Variants in TMEM132D observed in about 807,000 individuals in gnomAD.
TMEM132D encodes transmembrane protein 132D.
Under a neutral mutation model 62.3 loss-of-function variants are expected in TMEM132D, and 21 were observed. The ratio of observed to expected loss-of-function variants is 0.34; its 90% CI spans 0.24 to 0.49. The LOEUF (loss-of-function observed/expected upper bound fraction) is 0.49. Ranked by LOEUF, TMEM132D falls within the 20% of genes least tolerant of loss-of-function variation. The pLI, the probability that TMEM132D is intolerant of heterozygous loss-of-function variation, is 0.99. For synonymous variants in TMEM132D, 621 were observed against 575.6 expected (o/e 1.08, Z -1.13); for missense variants, 1,346 against 1,402.8 (o/e 0.96, Z 0.65).
intron 5 of TMEM132D, among the ~76,000 whole-genome samples, chr12:129,200,675 G>A (rs1878678662): frequency 6.6e-6 from 1 of 152,174 alleles, no homozygotes; most frequent in Non-Finnish European, 1.5e-5. Flanking sequence ...GCAGGTTGTC[G>A]GGCGCCCAGC....
rs116109669 is a variant in TMEM132D, at chr12:129,779,651, T to C, written c.80-78953A>G. ...GTTTCTTGAAAGGAAGAAGAGCAGG[T>C]ATTGGAAGAGACCATCAGAAGGCCC... On this transcript the variant is annotated intron_variant, in intron 1 of 8. Coordinates refer to ENST00000422113, the MANE Select transcript of TMEM132D (RefSeq NM_133448.3). This position sits in a 1 kb window ranked among gnomAD's most constrained non-coding sequence, Gnocchi z 4.1. 1.9e-3 allele frequency among the ~76,000 whole-genome samples: 292 copies of C among 152,170 alleles called. 2 individuals carry two copies. The highest frequency in any genetic ancestry group is 6.3e-3 in the African/African-American group (262 of 41,522).
At chr12:129,279,973 A>C (rs1881096504) in intron 4 of TMEM132D, among the ~76,000 whole-genome samples, 1 of 152,202 alleles carries the variant, frequency 6.6e-6, no homozygotes, top group South Asian at 2.1e-4. Context: ...TTTCCAGAGA[A>C]TGATGTTCTG....
chr12:129,162,241 T>C (rs750169048), intron 5 of TMEM132D, among the ~76,000 whole-genome samples: 5 of 152,146 alleles, frequency 3.3e-5, no homozygotes, highest in Non-Finnish European at 5.9e-5. Flanking sequence ...AGAGCTTGCA[T>C]GCTCCATGCA....
intron 2 of TMEM132D, among the ~76,000 whole-genome samples, chr12:129,650,818 T>G (rs1237821229): frequency 6.6e-6 from 1 of 152,246 alleles, no homozygotes; most frequent in East Asian, 1.9e-4. Flanking sequence ...TTTCTAATAT[T>G]ATTCACCATA....
intron 2 of TMEM132D, among the ~76,000 whole-genome samples, chr12:129,698,005 T>C (rs1441536044): frequency 1.3e-5 from 2 of 152,072 alleles, no homozygotes; most frequent in African/African-American, 2.4e-5. Context: ...GAAAATCAAG[T>C]CAGTCGTTGG....
chr12:129,305,518 C>T (rs190851712), intron 4 of TMEM132D, among the ~76,000 whole-genome samples: 1 of 152,266 alleles, frequency 6.6e-6, no homozygotes, highest in South Asian at 2.1e-4. Flanking sequence ...AAAAACCCCA[C>T]ATGAAATTAG....
At chr12:129,103,725 C>T (rs1205779544) in intron 5 of TMEM132D, among the ~76,000 whole-genome samples, 1 of 152,160 alleles carries the variant, frequency 6.6e-6, no homozygotes, top group Admixed American at 6.5e-5. Context: ...TACAAAATCA[C>T]AAGCATTCCT....
At chr12:129,535,357 C>T (rs190409954) in intron 2 of TMEM132D, among the ~76,000 whole-genome samples, 3 of 152,280 alleles carry the variant, frequency 2.0e-5, no homozygotes, top group East Asian at 1.9e-4. Flanking sequence ...CCTGGACAGC[C>T]GTATCCCCAC....
At chr12:129,137,382 A>G (rs1182762376) in intron 5 of TMEM132D, among the ~76,000 whole-genome samples, 1 of 152,192 alleles carries the variant, frequency 6.6e-6, no homozygotes, top group Non-Finnish European at 1.5e-5. Context: ...AAAATCTTAC[A>G]CTACAGGTAC....
chr12:129,174,137 A>C (rs1018091461), intron 5 of TMEM132D, among the ~76,000 whole-genome samples: 8 of 152,170 alleles, frequency 5.3e-5, no homozygotes, highest in Admixed American at 3.3e-4. Context: ...TGCAGGATAC[A>C]TGTGCAGAAC....
chr12:129,276,407 T>A (rs1881009269), intron 4 of TMEM132D, among the ~76,000 whole-genome samples: 1 of 152,182 alleles, frequency 6.6e-6, no homozygotes, highest in Non-Finnish European at 1.5e-5. Context: ...ACAATAAATA[T>A]ATGAAAGAGA....
chr12:129,536,418 T>C (rs1466989811), intron 2 of TMEM132D, among the ~76,000 whole-genome samples: 1 of 152,240 alleles, frequency 6.6e-6, no homozygotes, highest in Non-Finnish European at 1.5e-5. Context: ...GCTTCATTTT[T>C]TTTATAGGTC....
chr12:129,357,943 G>T (rs1870127139), intron 3 of TMEM132D, among the ~76,000 whole-genome samples: 1 of 152,096 alleles, frequency 6.6e-6, no homozygotes, highest in African/African-American at 2.4e-5. Flanking sequence ...GTTTCCTCTT[G>T]GACATTATCA....
intron 2 of TMEM132D, among the ~76,000 whole-genome samples, chr12:129,570,014 A>T (rs563777936): frequency 1.3e-5 from 2 of 152,166 alleles, no homozygotes; most frequent in South Asian, 2.1e-4. Flanking sequence ...ACGGGAAGAG[A>T]CTCAAAGAAG....
At position 129,820,323 on chromosome 12, in the gene TMEM132D, T is replaced by C. The variant is rs367728265; in HGVS notation, c.79+82938A>G. ...CCATTTGCACGTCCCAACAACCCTG[T>C]GTGACAATGGGGGCCATCAGTGCTC... On this transcript the variant is annotated intron_variant, in intron 1 of 8. Transcript: ENST00000422113. Among the ~76,000 whole-genome samples, 11 of 152,318 alleles carry C rather than the reference T, an allele frequency of 7.2e-5. No individual in the cohort carries two copies. In the East Asian group the frequency reaches 2.1e-3, roughly 29 times the overall value.
rs551019541 is a variant in TMEM132D at position 129,466,279 on chromosome 12, CTTTTTTTTTTTTTTTTTTTTTTT to C, written c.1115+64757_1115+64779del. Among the ~76,000 whole-genome samples, 482 of 100,328 alleles carry C rather than the reference CTTTTTTTTTTTTTTTTTTTTTTT, an allele frequency of 4.8e-3. 6 individuals carry two copies. The highest frequency in any genetic ancestry group is 0.017 in the African/African-American group (447 of 26,196). The allele number at this position is 100,328 out of a possible 152,430, so 65.8% of individuals were successfully genotyped here. On this transcript the variant is annotated intron_variant, in intron 3 of 8. Coordinates refer to ENST00000422113, the MANE Select transcript of TMEM132D (RefSeq NM_133448.3). ...TATAACAGTGGCTGGTAGATTTTTC[CTTTTTTTTTTTTTTTTTTTTTTT>C]TTTTTTTTTTTTTTTTTTTTTTAGA...
intron 1 of TMEM132D, among the ~76,000 whole-genome samples, chr12:129,875,422 G>C (rs1302166946): frequency 6.6e-6 from 1 of 152,212 alleles, no homozygotes; most frequent in African/African-American, 2.4e-5. Context: ...CCGAGACCAT[G>C]GTGCCAGCGT....
intron 3 of TMEM132D, among the ~76,000 whole-genome samples, chr12:129,457,868 C>T (rs1873527699): frequency 6.6e-6 from 1 of 152,168 alleles, no homozygotes; most frequent in South Asian, 2.1e-4. Flanking sequence ...CAGGTCTCCC[C>T]TCCAACACTG....
intron 1 of TMEM132D, among the ~76,000 whole-genome samples, chr12:129,760,708 A>G (rs973743970): frequency 4.0e-5 from 6 of 151,048 alleles, no homozygotes; most frequent in Admixed American, 2.6e-4. Flanking sequence ...GGTTTGCTAC[A>G]TAGGTATACA....
Sources: allele counts gnomAD v4.1 joint callset (sites outside exome capture counted in the v4.1 genomes callset), GRCh38; gene constraint gnomAD v4.1.1; non-coding constraint Gnocchi (gnomAD v3.1); transcripts MANE v1.5; gene names NCBI Gene and HGNC (gene_info 2026-07-23, HGNC 2026-07-21).